INSYN2A: variants seen among roughly 807,000 people sequenced by gnomAD.
INSYN2A encodes inhibitory synaptic factor 2A, also known as family with sequence similarity 196 member A.
A neutral mutation model predicts 39.4 loss-of-function variants in INSYN2A; 17 were observed. That is an observed-to-expected ratio of 0.43 (90% CI 0.30 to 0.65). INSYN2A has a LOEUF of 0.65. Ranked by LOEUF, INSYN2A falls within the 30% of genes least tolerant of loss-of-function variation. The pLI, the probability that INSYN2A is intolerant of heterozygous loss-of-function variation, is 0.14. For synonymous variants in INSYN2A, 255 were observed against 265.7 expected, an observed-to-expected ratio of 0.96 and a Z score of 0.39; for missense variants, 595 against 631.2, an observed-to-expected ratio of 0.94 and a Z score of 0.61.
At chr10:127,183,383 C>T (rs1286155912) in intron 2 of INSYN2A, among the ~76,000 whole-genome samples, 1 of 152,142 alleles carries the variant, frequency 6.6e-6, no homozygotes, top group Non-Finnish European at 1.5e-5. Flanking sequence ...GTATTTTCAT[C>T]GTAGTATGAA....
chr10:127,166,355 G>A (rs563035488), intron 4 of INSYN2A, among the ~76,000 whole-genome samples: 23 of 151,822 alleles, frequency 1.5e-4, no homozygotes, highest in Non-Finnish European at 2.5e-4. Flanking sequence ...GTGAGCCACC[G>A]CGCCCGGCCC....
At chr10:127,141,364 C>G (rs1346126222) in intron 5 of INSYN2A, among the ~76,000 whole-genome samples, 2 of 152,158 alleles carry the variant, frequency 1.3e-5, no homozygotes, top group Non-Finnish European at 2.9e-5. Flanking sequence ...CTAGCAGTTG[C>G]CTACGTAATA....
rs963605995 is a variant in INSYN2A at position 127,136,350 on chromosome 10, A to G, written c.*1487T>C. On this transcript the variant is annotated 3_prime_UTR_variant, in exon 6 of 6. Coordinates refer to ENST00000522781, the MANE Select transcript of INSYN2A (RefSeq NM_001039762.3). ...TGAGATCCTTTTACCAAGGTTAGCC[A>G]CTGTGTGTTTGGCATCTAGTCAATG... is the stretch of plus-strand genomic sequence containing the variant. 6.6e-6 allele frequency: 1 copy of G among 152,164 alleles called. No homozygotes were observed. The highest frequency in any genetic ancestry group is 2.4e-5 in the African/African-American group (1 of 41,436). 9.4% of individuals were successfully genotyped at this position (152,164 alleles called of 1,614,324 possible).
At chr10:127,186,305 G>A (rs1483433153) in intron 2 of INSYN2A, among the ~76,000 whole-genome samples, 1 of 152,172 alleles carries the variant, frequency 6.6e-6, no homozygotes, top group Admixed American at 6.5e-5. Context: ...AATCATGGCA[G>A]AAGGCAAAGG....
At chr10:127,140,069 C>T (rs1032653536) in intron 5 of INSYN2A, among the ~76,000 whole-genome samples, 1 of 152,078 alleles carries the variant, frequency 6.6e-6, no homozygotes, top group Non-Finnish European at 1.5e-5. Context: ...AAGGTGTGTT[C>T]TCCAGATCGT....
intron 5 of INSYN2A, among the ~76,000 whole-genome samples, chr10:127,140,496 G>A (rs11594042): frequency 9.9e-5 from 15 of 152,196 alleles, no homozygotes; most frequent in East Asian, 9.7e-4. Flanking sequence ...GTGGATCTGC[G>A]TGTGGGATGA....
At chr10:127,139,204 T>C (rs1391156824) in intron 5 of INSYN2A, among the ~76,000 whole-genome samples, 1 of 152,186 alleles carries the variant, frequency 6.6e-6, no homozygotes, top group Non-Finnish European at 1.5e-5. Context: ...TTTATAAACA[T>C]GAAATCCTAT....
intron 4 of INSYN2A, among the ~76,000 whole-genome samples, chr10:127,156,842 A>C (rs1286941300): frequency 6.6e-6 from 1 of 152,166 alleles, no homozygotes; most frequent in Non-Finnish European, 1.5e-5. Context: ...TGTTGGGATT[A>C]CAGGCGTGTG....
At chr10:127,152,491 C>G (rs2052601478) in intron 5 of INSYN2A, among the ~76,000 whole-genome samples, 1 of 152,188 alleles carries the variant, frequency 6.6e-6, no homozygotes. Flanking sequence ...TTCCTGCTGC[C>G]AGGAGGCCTT....
intron 4 of INSYN2A, among the ~76,000 whole-genome samples, chr10:127,162,364 A>C (rs542892331): frequency 7.2e-5 from 11 of 152,308 alleles, no homozygotes; most frequent in African/African-American, 2.4e-4. Flanking sequence ...ATATATCTCT[A>C]AGAACATGAT....
intron 4 of INSYN2A, among the ~76,000 whole-genome samples, chr10:127,165,590 G>A (rs1442672736): frequency 6.6e-6 from 1 of 151,922 alleles, no homozygotes; most frequent in African/African-American, 2.4e-5. Flanking sequence ...TTTTTATATT[G>A]CATTGCAAAC....
intron 5 of INSYN2A, among the ~76,000 whole-genome samples, chr10:127,150,923 G>A (rs544412677): frequency 3.6e-4 from 55 of 152,286 alleles, no homozygotes; most frequent in African/African-American, 7.7e-4. Context: ...CAAAGAAAAC[G>A]TCTGGGCCTC....
intron 2 of INSYN2A, among the ~76,000 whole-genome samples, chr10:127,189,313 T>A (rs2056549941): frequency 6.6e-6 from 1 of 152,156 alleles, no homozygotes; most frequent in Admixed American, 6.5e-5. Context: ...TAGGAGTGAG[T>A]TGGGGTCCAG....
At chr10:127,169,402 A>G (rs765873755) in intron 4 of INSYN2A, among the ~76,000 whole-genome samples, 5 of 152,214 alleles carry the variant, frequency 3.3e-5, no homozygotes, top group Non-Finnish European at 7.3e-5. Flanking sequence ...TGTGTGAATG[A>G]ATGATAGGCC....
intron 4 of INSYN2A, among the ~76,000 whole-genome samples, chr10:127,155,301 T>C (rs920242753): frequency 6.6e-6 from 1 of 152,244 alleles, no homozygotes; most frequent in Admixed American, 6.5e-5. Context: ...CTACATGCCG[T>C]GATTGTCTCA....
intron 5 of INSYN2A, among the ~76,000 whole-genome samples, chr10:127,141,438 C>G (rs997640030): frequency 1.3e-5 from 2 of 152,120 alleles, no homozygotes; most frequent in East Asian, 3.9e-4. Context: ...CACGGTGGCT[C>G]ATGCCTGTAA....
At chr10:127,146,126 C>A (rs1324251347) in intron 5 of INSYN2A, 2 of 489,824 alleles carry the variant, frequency 4.1e-6, no homozygotes, top group Admixed American at 2.1e-5. Flanking sequence ...TTATCTTTAT[C>A]TTCCCATGAA....
intron 1 of INSYN2A, among the ~76,000 whole-genome samples, chr10:127,195,753 AGCGACCCGGTC>A (rs2057081044): frequency 6.6e-6 from 1 of 152,070 alleles, no homozygotes; most frequent in Admixed American, 6.5e-5. Context: ...GACGCCCCTC[AGCGACCCGGTC>A]GCGCCAGATG....
chr10:127,165,175 A>C (rs1193480966), intron 4 of INSYN2A, among the ~76,000 whole-genome samples: 1 of 152,182 alleles, frequency 6.6e-6, no homozygotes, highest in Non-Finnish European at 1.5e-5. Flanking sequence ...ATTTTTTGCC[A>C]GTGGTTCTGA....
Sources: allele counts gnomAD v4.1 joint callset (sites outside exome capture counted in the v4.1 genomes callset), GRCh38; gene constraint gnomAD v4.1.1; transcripts MANE v1.5; gene names NCBI Gene and HGNC (gene_info 2026-07-23, HGNC 2026-07-21).